MAGI2: variants seen among roughly 807,000 people sequenced by gnomAD.
MAGI2 encodes the protein membrane-associated guanylate kinase, WW and PDZ domain-containing protein 2.
In MAGI2, 35 loss-of-function variants were observed where a neutral mutation model predicts 133.3. The ratio of observed to expected loss-of-function variants is 0.26; its 90% CI spans 0.20 to 0.35. The LOEUF is 0.35. Among genes scored for constraint, MAGI2 ranks in the 10% least tolerant of loss-of-function variants. The pLI is 1.00. For synonymous variants in MAGI2, 729 were observed against 710.6 expected (o/e 1.03, Z -0.41); for missense variants, 1,636 against 1,863.4 (o/e 0.88, Z 2.25).
intron 1 of MAGI2, among the ~76,000 whole-genome samples, chr7:79,409,129 A>G (rs1422630770): frequency 6.6e-6 from 1 of 152,210 alleles, no homozygotes; most frequent in African/African-American, 2.4e-5. Context: ...AGGGGAAAAA[A>G]TAAATTCATT....
At chr7:78,985,865 C>A (rs1269740248) in intron 2 of MAGI2, among the ~76,000 whole-genome samples, 1 of 152,014 alleles carries the variant, frequency 6.6e-6, no homozygotes, top group African/African-American at 2.4e-5. Context: ...TAATTTAATT[C>A]TGATTTGTAG....
intron 4 of MAGI2, among the ~76,000 whole-genome samples, chr7:78,515,324 G>A (rs970122401): frequency 2.0e-5 from 3 of 151,996 alleles, no homozygotes; most frequent in Admixed American, 2.0e-4. Context: ...TCATCTCTAA[G>A]AATATGTATT....
At chr7:79,451,849 C>T (rs117779328) in intron 1 of MAGI2, among the ~76,000 whole-genome samples, 3,805 of 152,238 alleles carry the variant, frequency 0.025, 73 homozygotes, top group Non-Finnish European at 0.033. Flanking sequence ...CCATACATAC[C>T]GCACACGAAT....
intron 20 of MAGI2, among the ~76,000 whole-genome samples, chr7:78,098,584 G>A (rs1298483866): frequency 2.6e-5 from 4 of 152,036 alleles, no homozygotes; most frequent in African/African-American, 9.7e-5. Flanking sequence ...GTATCCTTGT[G>A]TACATTAGCA....
intron 10 of MAGI2, among the ~76,000 whole-genome samples, chr7:78,249,216 G>C (rs567747065): frequency 6.6e-6 from 1 of 152,078 alleles, no homozygotes; most frequent in Non-Finnish European, 1.5e-5. Context: ...AAGATAACAA[G>C]TGTCGGCGAG....
intron 1 of MAGI2, among the ~76,000 whole-genome samples, chr7:79,219,126 A>T (rs980459496): frequency 6.6e-6 from 1 of 152,086 alleles, no homozygotes. Flanking sequence ...AGTTATTTCT[A>T]CAATATTTAG....
chr7:78,975,930 A>C (rs1804204396), intron 2 of MAGI2, among the ~76,000 whole-genome samples: 1 of 151,758 alleles, frequency 6.6e-6, no homozygotes, highest in Admixed American at 6.6e-5. Context: ...GAAATGAATC[A>C]ATTCCTTGAA....
chr7:79,067,855 G>C (rs979650632), intron 1 of MAGI2, among the ~76,000 whole-genome samples: 13 of 152,162 alleles, frequency 8.5e-5, no homozygotes, highest in Admixed American at 7.2e-4. Flanking sequence ...TGCATCTATT[G>C]AGATAATCAT....
intron 2 of MAGI2, among the ~76,000 whole-genome samples, chr7:78,955,129 G>C (rs2115624998): frequency 6.6e-6 from 1 of 151,798 alleles, no homozygotes; most frequent in African/African-American, 2.4e-5. Context: ...CTTTAGACAG[G>C]GATCACTTAA....
chr7:78,673,288 A>C (rs963747755), intron 2 of MAGI2, among the ~76,000 whole-genome samples: 7 of 152,070 alleles, frequency 4.6e-5, no homozygotes, highest in African/African-American at 1.7e-4. Context: ...ATATTCACAC[A>C]CACAGACACA....
intron 10 of MAGI2, among the ~76,000 whole-genome samples, chr7:78,203,962 T>C (rs1046770355): frequency 1.3e-5 from 2 of 152,224 alleles, no homozygotes; most frequent in Non-Finnish European, 2.9e-5. Context: ...CTAGGAAATC[T>C]AGTCTATTTC....
At position 78,632,893 on chromosome 7, in the gene MAGI2, G is replaced by T. The variant is rs936089983; in HGVS notation, c.419-5654C>A. Among the ~76,000 whole-genome samples the T allele has an allele frequency of 2.6e-5, 4 of 152,322 alleles. No individual in the cohort carries two copies. In the East Asian group the frequency reaches 7.7e-4, roughly 29 times the overall value. On this transcript the variant is annotated intron_variant, in intron 2 of 21. Coordinates refer to ENST00000354212, the MANE Select transcript of MAGI2 (RefSeq NM_012301.4). The stretch of plus-strand genomic sequence containing the variant: ...TTCAACCCAGCAATCCCATTACTGG[G>T]TATATAACCAGAGTAATATAAATCA...
intron 1 of MAGI2, among the ~76,000 whole-genome samples, chr7:79,264,776 G>T (rs1834323768): frequency 6.6e-6 from 1 of 152,078 alleles, no homozygotes; most frequent in South Asian, 2.1e-4. Flanking sequence ...TCTAGTGAGG[G>T]CTTCAGGCTG....
chr7:78,324,037 A>G (rs1788287798), intron 9 of MAGI2, among the ~76,000 whole-genome samples: 5 of 152,174 alleles, frequency 3.3e-5, no homozygotes, highest in Admixed American at 3.3e-4. Context: ...ACAAGGGTAT[A>G]TTAGTAAAAA....
intron 2 of MAGI2, among the ~76,000 whole-genome samples, chr7:78,679,921 C>G (rs1211250736): frequency 6.6e-6 from 1 of 152,158 alleles, no homozygotes; most frequent in Non-Finnish European, 1.5e-5. Flanking sequence ...GCATAGTCAG[C>G]TTTGCTCAGC....
intron 21 of MAGI2, among the ~76,000 whole-genome samples, chr7:78,055,356 C>T (rs1225877448): frequency 6.6e-6 from 1 of 152,220 alleles, no homozygotes; most frequent in Non-Finnish European, 1.5e-5. Flanking sequence ...TAGCCTGCCA[C>T]TTGCAGCTCC....
At chr7:78,556,745 T>C (rs1445075500) in intron 3 of MAGI2, among the ~76,000 whole-genome samples, 2 of 152,126 alleles carry the variant, frequency 1.3e-5, no homozygotes, top group Non-Finnish European at 2.9e-5. Context: ...TCCCTTCTCT[T>C]TCCTGTGTGA....
intron 3 of MAGI2, among the ~76,000 whole-genome samples, chr7:78,564,783 C>CTTTTTTT (rs35069216): frequency 0.018 from 1,176 of 64,370 alleles, 238 homozygotes; most frequent in Non-Finnish European, 0.025. Context: ...CTTTGACATT[C>CTTTTTTT]TTTTTTTTTT....
At chr7:79,424,981 T>C (rs1334579099) in intron 1 of MAGI2, among the ~76,000 whole-genome samples, 3 of 152,138 alleles carry the variant, frequency 2.0e-5, no homozygotes, top group African/African-American at 7.2e-5. Context: ...TTCTGGTCAA[T>C]AGGATGTAAA....
Sources: allele counts gnomAD v4.1 joint callset (sites outside exome capture counted in the v4.1 genomes callset), GRCh38; gene constraint gnomAD v4.1.1; transcripts MANE v1.5; gene names NCBI Gene and HGNC (gene_info 2026-07-23, HGNC 2026-07-21).